Variants in DCHS1 observed in about 807,000 individuals in gnomAD.
DCHS1 encodes protocadherin-16.
DCHS1 carries 78 observed loss-of-function variants against 213.9 expected under a neutral mutation model. That is an observed-to-expected ratio of 0.36 (90% CI 0.30 to 0.44). The LOEUF (loss-of-function observed/expected upper bound fraction) is 0.44. Among genes scored for constraint, DCHS1 ranks in the 20% least tolerant of loss-of-function variants. DCHS1 has a pLI of 1.00. For missense variants in DCHS1, 3,946 were observed against 4,395.9 expected, an observed-to-expected ratio of 0.90 and a Z score of 2.89; for synonymous variants, 1,828 against 1,873.7, an observed-to-expected ratio of 0.98 and a Z score of 0.63.
In DCHS1 at chr11:6,640,808, G is replaced by C. The variant is rs201800543; in HGVS notation, c.806C>G (p.Ala269Gly). 1.9e-6 allele frequency: 3 copies of C among 1,614,064 alleles called. No homozygotes were observed. The highest frequency in any genetic ancestry group is 2.5e-6 in the Non-Finnish European group (3 of 1,179,906). Reference protein sequence around the residue: ...RYHAVVSESLAPGSPVLQVFA... With the variant: ...RYHAVVSESLGPGSPVLQVFA... Reference sequence around the variant, plus strand: ...CACCTGCAAGACAGGACTGCCAGGGGCCAGGCTCTCAGACACCACAGCATG... The same window carrying C: ...CACCTGCAAGACAGGACTGCCAGGGCCCAGGCTCTCAGACACCACAGCATG... The change falls in exon 2 of 21, where the codon GCC becomes GGC. Residue 269 changes from alanine to glycine, a missense_variant. Coordinates refer to ENST00000299441, the MANE Select transcript of DCHS1 (RefSeq NM_003737.4). The surrounding 1 kb of genome is among the most constrained non-coding windows in gnomAD (Gnocchi z 6.5).
rs1175202131 is a variant in DCHS1 at position 6,626,516 on chromosome 11, C to T, written c.6364+36G>A. 1.9e-6 allele frequency: 3 copies of T among 1,610,942 alleles called. No homozygotes were observed. Among genetic ancestry groups the T allele is most frequent in the African/African-American group, 2.7e-5 (2 of 74,886 alleles). On this transcript the variant is annotated intron_variant, in intron 15 of 20. Coordinates refer to ENST00000299441, the MANE Select transcript of DCHS1 (RefSeq NM_003737.4). This position sits in a 1 kb window ranked among gnomAD's most constrained non-coding sequence, Gnocchi z 5.2. The stretch of plus-strand genomic sequence containing the variant: ...TGCAAAGAACCTGCTTCCCCAGTAG[C>T]CTGTCCTGCACAGAGCCCCTGCTCC...
Position 6,624,886 on chromosome 11 carries a change from G to A in DCHS1, c.7147-18C>T, listed in dbSNP as rs2134614628. The A allele has an allele frequency of 6.2e-7, 1 of 1,613,264 alleles. No homozygotes were observed. Among genetic ancestry groups the A allele is most frequent in the African/African-American group, 1.3e-5 (1 of 75,030 alleles). ...AGCATTACCTGAAGTGTGAGGAAAA[G>A]TGCTTATTGCCAGGCTTCCCATTTG... On this transcript the variant is annotated intron_variant, in intron 19 of 20. Coordinates refer to ENST00000299441, the MANE Select transcript of DCHS1 (RefSeq NM_003737.4).
chr11:6,645,786 C>T (rs138083692), intron 1 of DCHS1, among the ~76,000 whole-genome samples: 191 of 152,312 alleles, frequency 1.3e-3, no homozygotes, highest in African/African-American at 4.3e-3. Flanking sequence ...CACAAAGTCA[C>T]AGCCCCATGC....
At position 6,632,185 on chromosome 11, in the gene DCHS1, G is replaced by A; in HGVS notation, c.3327C>T (p.Pro1109=). Residue 1109 remains proline (P), a synonymous_variant, in exon 6 of 21, where the codon CCC becomes CCT. Transcript: ENST00000299441. This position sits in a 1 kb window ranked among gnomAD's most constrained non-coding sequence, Gnocchi z 5.9. Reference sequence around the variant, plus strand: ...GGTTCTCAGCCACAGCCAGGAAGGTGGGATCCTCAGACAAGCGGGGACTGT... The same window carrying A: ...GGTTCTCAGCCACAGCCAGGAAGGTAGGATCCTCAGACAAGCGGGGACTGT... ...NEHSPRLSED[P]TFLAVAENQP... The A allele has an allele frequency of 6.2e-7, 1 of 1,601,256 alleles. No individual in the cohort carries two copies. The highest frequency in any genetic ancestry group is 8.5e-7 in the Non-Finnish European group (1 of 1,170,602).
intron 1 of DCHS1, among the ~76,000 whole-genome samples, chr11:6,652,065 C>G (rs910640728): frequency 1.3e-4 from 20 of 152,152 alleles, no homozygotes; most frequent in African/African-American, 4.3e-4. Context: ...CTTTAAGGAA[C>G]AGTGACATTC....
chr11:6,623,519 C>T lies in DCHS1; in HGVS notation c.8157G>A (p.Gln2719=). The T allele has an allele frequency of 3.1e-6, 5 of 1,605,098 alleles. No homozygotes were observed. The highest frequency in any genetic ancestry group is 4.3e-6 in the Non-Finnish European group (5 of 1,175,882). ...GAGTGGTCACGAGAGTGCCTGGAGG[C>T]TGATTCTCGGCCACGCTGGTGCTGA... ...NLLSTSVAEN[Q]PPGTLVTTLH... Residue 2719 remains glutamine (Q), a synonymous_variant, in exon 21 of 21, where the codon CAG becomes CAA. Coordinates refer to ENST00000299441, the MANE Select transcript of DCHS1 (RefSeq NM_003737.4).
intron 2 of DCHS1, among the ~76,000 whole-genome samples, chr11:6,634,538 T>C (rs1041728010): frequency 1.3e-5 from 2 of 152,264 alleles, no homozygotes; most frequent in East Asian, 3.8e-4. Context: ...ATAACCTTGT[T>C]TGATGTGTGT....
Position 6,626,146 on chromosome 11 carries a change from A to C in DCHS1, c.6576+23T>G. ...TCTGACTAGCCCTGCTCCCCCGCCC[A>C]ATCTTTCCATCACACCCCGCACCTG... On this transcript the variant is annotated intron_variant, in intron 16 of 20. Transcript: ENST00000299441. This position sits in a 1 kb window ranked among gnomAD's most constrained non-coding sequence, Gnocchi z 5.2. 1.3e-6 allele frequency: 2 copies of C among 1,597,528 alleles called. No homozygotes were observed. The highest frequency in any genetic ancestry group is 1.7e-6 in the Non-Finnish European group (2 of 1,172,198).
Position 6,622,720 on chromosome 11 carries a change from G to A in DCHS1, c.8956C>T (p.Leu2986=). The part of the protein sequence containing the change: ...SQAAPLASDS[L]QKLGREPPSP... ...GGTGGCTCCCGGCCCAGTTTCTGCA[G>A]TGAGTCACTGGCTAGGGGTGCTGCC... Residue 2986 remains leucine (L), a synonymous_variant, in exon 21 of 21, where the codon CTG becomes TTG. Coordinates refer to ENST00000299441, the MANE Select transcript of DCHS1 (RefSeq NM_003737.4). The surrounding 1 kb of genome is among the most constrained non-coding windows in gnomAD (Gnocchi z 5.4). The A allele has an allele frequency of 6.3e-7, 1 of 1,592,046 alleles. No individual in the cohort carries two copies. The highest frequency in any genetic ancestry group is 1.1e-5 in the South Asian group (1 of 87,416).
In DCHS1 at chr11:6,621,593, G is replaced by A. The variant is rs747427764; in HGVS notation, c.*186C>T. 8.1e-6 allele frequency: 6 copies of A among 744,888 alleles called. No homozygotes were observed. The highest frequency in any genetic ancestry group is 2.0e-5 in the Admixed American group (1 of 49,940). 46.1% of individuals were successfully genotyped at this position (744,888 alleles called of 1,614,324 possible). ...ACATTGGACCTGGTCACAGGTCAGT[G>A]AGCAACAGGGCTTCTGTGGTCCTAG... On this transcript the variant is annotated 3_prime_UTR_variant, in exon 21 of 21. Coordinates refer to ENST00000299441, the MANE Select transcript of DCHS1 (RefSeq NM_003737.4).
In DCHS1 at chr11:6,624,034, G is replaced by A. The variant is rs1228884534; in HGVS notation, c.7642C>T (p.Pro2548Ser). 5 of 1,613,424 alleles carry A rather than the reference G, an allele frequency of 3.1e-6. No individual in the cohort carries two copies. Among genetic ancestry groups the A allele is most frequent in the Admixed American group, 1.7e-5 (1 of 59,996 alleles). The change falls in exon 21 of 21, where the codon CCC (proline) becomes TCC (serine). Residue 2548 changes from proline (P) to serine (S), a missense_variant. Around this residue, in one of 3 missense-constraint regions of DCHS1, gnomAD observed 3,384 missense variants for 3,780.1 expected, o/e 0.90. Coordinates refer to ENST00000299441, the MANE Select transcript of DCHS1 (RefSeq NM_003737.4). ...AACACCAGGCAGCCCAGTGCCCGGG[G>A]GCCTGGTCCAGCACTCTCCCCAGCC... ...AEAGESAGPGPRALGCLVLLE... is the reference protein window; with the variant it reads ...AEAGESAGPGSRALGCLVLLE...
In DCHS1 at chr11:6,655,746, C is replaced by A; in HGVS notation, c.-304G>T. 1.0e-6 allele frequency: 1 copy of A among 980,520 alleles called. No homozygotes were observed. Among genetic ancestry groups the A allele is most frequent in the Non-Finnish European group, 1.2e-6 (1 of 827,916 alleles). The allele number at this position is 980,520 out of a possible 1,614,324, so 60.7% of individuals were successfully genotyped here. A position where few individuals can be genotyped will look rare whatever the true frequency, so the allele number is the denominator to read the frequency against. On this transcript the variant is annotated 5_prime_UTR_variant, in exon 1 of 21. Coordinates refer to ENST00000299441, the MANE Select transcript of DCHS1 (RefSeq NM_003737.4). ...CGCGCGCCCTTGGCCGTCGATCGGT[C>A]CGTCCGCTGACGCCCGGGCGCCGCC... is the stretch of plus-strand genomic sequence containing the variant.
At chr11:6,651,957 A>G (rs1293476788) in intron 1 of DCHS1, among the ~76,000 whole-genome samples, 2 of 152,218 alleles carry the variant, frequency 1.3e-5, no homozygotes, top group East Asian at 3.8e-4. Context: ...TCTGTGAGTC[A>G]TCAGCCTATA....
At chr11:6,643,840 C>T (rs4758446) in intron 1 of DCHS1, among the ~76,000 whole-genome samples, 30,420 of 152,050 alleles carry the variant, frequency 0.2, 3,458 homozygotes, top group African/African-American at 0.28. Flanking sequence ...AAACTGCTTC[C>T]CCTCCATTCC....
rs759024888 is a variant in DCHS1 at position 6,633,082 on chromosome 11, GA to G, written c.2456-27del. 4 of 1,571,660 alleles carry G rather than the reference GA, an allele frequency of 2.5e-6. No homozygotes were observed. The South Asian group carries it at 4.8e-5, about 19-fold the overall frequency. ...CTAGGGAGGATGAAAAAGGGATCAG[GA>G]AAGAGATGGAGGGGCACTTATTGAG... On this transcript the variant is annotated intron_variant, in intron 5 of 20. Transcript: ENST00000299441.
intron 1 of DCHS1, among the ~76,000 whole-genome samples, chr11:6,642,615 A>C (rs528160436): frequency 1.5e-4 from 12 of 82,046 alleles, no homozygotes; most frequent in African/African-American, 5.8e-4. Context: ...GGTGGGGCTC[A>C]GAGTGTCTGA....
chr11:6,623,914 C>T lies in DCHS1; in HGVS notation c.7762G>A (p.Val2588Ile). ...TTGACATCTAGTACAGTGACAGTGA[C>T]TGGCACGACTGAGCTTTGGGGTGGC... is the stretch of plus-strand genomic sequence containing the variant. ...GQPPQSSVVP[V>I]TVTVLDVNDN... The change falls in exon 21 of 21, where the codon GTC (valine) becomes ATC (isoleucine). Residue 2588 changes from valine to isoleucine, a missense_variant. Physicochemically the swap from Val to Ile is conservative, Grantham distance 29 (BLOSUM62 3). Coordinates refer to ENST00000299441, the MANE Select transcript of DCHS1 (RefSeq NM_003737.4). The T allele has an allele frequency of 1.9e-6, 3 of 1,608,332 alleles. No homozygotes were observed. Among genetic ancestry groups the T allele is most frequent in the Non-Finnish European group, 2.6e-6 (3 of 1,175,824 alleles).
chr11:6,638,393 G>C (rs1856018079), intron 2 of DCHS1, among the ~76,000 whole-genome samples: 1 of 152,194 alleles, frequency 6.6e-6, no homozygotes, highest in Non-Finnish European at 1.5e-5. Flanking sequence ...TGATTTTCAA[G>C]ATAAAGTTGA....
In DCHS1 at chr11:6,639,796, C is replaced by T. The variant is rs561222759; in HGVS notation, c.1797+21G>A. 4 of 1,560,372 alleles carry T rather than the reference C, an allele frequency of 2.6e-6. No individual in the cohort carries two copies. The South Asian group carries it at 4.8e-5, about 19-fold the overall frequency. On this transcript the variant is annotated intron_variant, in intron 2 of 20. Coordinates refer to ENST00000299441, the MANE Select transcript of DCHS1 (RefSeq NM_003737.4). Reference sequence around the variant, plus strand: ...CTCAGATTCCCCCAACACTATCTTGCTATGTGCCAGGCCTACCCACCTGCA... The same window carrying T: ...CTCAGATTCCCCCAACACTATCTTGTTATGTGCCAGGCCTACCCACCTGCA...
Sources: gnomAD v4.1 joint callset for allele counts (sites outside exome capture counted in the v4.1 genomes callset) on GRCh38, gnomAD v4.1.1 for gene constraint, gnomAD v4.1.1 regional missense constraint, Gnocchi (gnomAD v3.1) non-coding constraint, MANE v1.5 for transcripts, NCBI Gene and HGNC (gene_info 2026-07-23, HGNC 2026-07-21) for gene names.